Variants in RBM18 observed in about 807,000 individuals in gnomAD.
RBM18 encodes the protein probable RNA-binding protein 18.
In RBM18, 18 loss-of-function variants were observed where a neutral mutation model predicts 26.4. The observed-to-expected ratio is 0.68, with a 90% CI of 0.47 to 1.01. The LOEUF is 1.01. RBM18 is among the 50% of genes least tolerant of loss of function. The pLI, the probability that RBM18 is intolerant of heterozygous loss-of-function variation, is 0.00. For synonymous variants in RBM18, 74 were observed against 81.1 expected (o/e 0.91, Z 0.47); for missense variants, 180 against 219.2 (o/e 0.82, Z 1.13).
Position 122,241,448 on chromosome 9 carries a change from C to T in RBM18, c.*436G>A, listed in dbSNP as rs1588375632. 1 of 153,394 alleles carries T rather than the reference C, an allele frequency of 6.5e-6. No homozygotes were observed. Among genetic ancestry groups the T allele is most frequent in the South Asian group, 2.1e-4 (1 of 4,858 alleles). 9.5% of individuals were successfully genotyped at this position (153,394 alleles called of 1,614,324 possible). ...TCTGAACATGATTTAAAATCTGTCT[C>T]TCACTTCCCTCCCTGCCTTTTACTT... On this transcript the variant is annotated 3_prime_UTR_variant, in exon 6 of 6. Coordinates refer to ENST00000417201, the MANE Select transcript of RBM18 (RefSeq NM_033117.4).
At position 122,239,704 on chromosome 9, in the gene RBM18, C is replaced by G. The variant is rs1028464439; in HGVS notation, c.*2180G>C. The G allele has an allele frequency of 1.3e-5, 2 of 152,224 alleles. No homozygotes were observed. Among genetic ancestry groups the G allele is most frequent in the African/African-American group, 4.8e-5 (2 of 41,462 alleles). 9.4% of individuals were successfully genotyped at this position (152,224 alleles called of 1,614,324 possible). A position where few individuals can be genotyped will look rare whatever the true frequency, so the allele number is the denominator to read the frequency against. Reference sequence around the variant, plus strand: ...ACATTTCTTCTTTTGAAATCTCTACCACGAGAGACTAAACACAGTACGATA... The same window carrying G: ...ACATTTCTTCTTTTGAAATCTCTACGACGAGAGACTAAACACAGTACGATA... On this transcript the variant is annotated 3_prime_UTR_variant, in exon 6 of 6. Transcript: ENST00000417201.
At chr9:122,255,122 A>T (rs1831670232) in intron 2 of RBM18, among the ~76,000 whole-genome samples, 1 of 152,198 alleles carries the variant, frequency 6.6e-6, no homozygotes, top group South Asian at 2.1e-4. Flanking sequence ...ATGACATTTA[A>T]TATTATTTTT....
intron 3 of RBM18, among the ~76,000 whole-genome samples, chr9:122,249,126 A>T (rs1179205896): frequency 1.3e-5 from 2 of 152,116 alleles, no homozygotes; most frequent in Non-Finnish European, 1.5e-5. Flanking sequence ...TGTTTTTTTT[A>T]AAATAATTTC....
chr9:122,249,535 C>A (rs1469795195), intron 3 of RBM18, among the ~76,000 whole-genome samples: 1 of 150,374 alleles, frequency 6.7e-6, no homozygotes, highest in Non-Finnish European at 1.5e-5. Context: ...CATGGCGAAC[C>A]CCCGCTTCTA....
chr9:122,242,369 A>C lies in RBM18; in HGVS notation c.414-326T>G, dbSNP rs139216451. Among the ~76,000 whole-genome samples the C allele has an allele frequency of 5.9e-5, 9 of 152,344 alleles. No homozygotes were observed. In the East Asian group the frequency reaches 1.7e-3, roughly 29 times the overall value. ...AGTAGGTACTAAAAATAATTCTTTT[A>C]GAATTGAAAACAACATTATAAGATA... is the stretch of plus-strand genomic sequence containing the variant. On this transcript the variant is annotated intron_variant, in intron 5 of 5. Coordinates refer to ENST00000417201, the MANE Select transcript of RBM18 (RefSeq NM_033117.4).
At position 122,247,584 on chromosome 9, in the gene RBM18, C is replaced by A. The variant is rs1449344732; in HGVS notation, c.261G>T (p.Gln87His). ...ETKQEAEQAIQCLNGKLALSK... is the reference protein window; with the variant it reads ...ETKQEAEQAIHCLNGKLALSK... Reference sequence around the variant, plus strand: ...ACAGGGCCAACTTGCCATTGAGACACTGGATGGCTTGCTCTGCTTCCTGTC... The same window carrying A: ...ACAGGGCCAACTTGCCATTGAGACAATGGATGGCTTGCTCTGCTTCCTGTC... The change falls in exon 4 of 6, where the codon CAG becomes CAT. Residue 87 changes from glutamine (Q) to histidine (H), a missense_variant. Gln to His is a conservative substitution (Grantham distance 24). Transcript: ENST00000417201. The A allele has an allele frequency of 1.9e-6, 3 of 1,613,934 alleles. No homozygotes were observed. Among genetic ancestry groups the A allele is most frequent in the Non-Finnish European group, 2.5e-6 (3 of 1,179,994 alleles).
At chr9:122,246,715 A>G (rs1173488330) in intron 4 of RBM18, among the ~76,000 whole-genome samples, 1 of 152,110 alleles carries the variant, frequency 6.6e-6, no homozygotes, top group Non-Finnish European at 1.5e-5. Context: ...TTTGTTGGGG[A>G]GTGGGGTAGA....
chr9:122,257,855 G>A (rs1301059560), intron 2 of RBM18, among the ~76,000 whole-genome samples: 2 of 152,182 alleles, frequency 1.3e-5, no homozygotes, highest in African/African-American at 4.8e-5. Flanking sequence ...TGGGGAAGTG[G>A]TAGGAACTAG....
chr9:122,254,592 A>G (rs1387513708), intron 2 of RBM18, among the ~76,000 whole-genome samples: 1 of 152,232 alleles, frequency 6.6e-6, no homozygotes, highest in Non-Finnish European at 1.5e-5. Flanking sequence ...CCAGCCCCAC[A>G]CACATATCTG....
intron 2 of RBM18, among the ~76,000 whole-genome samples, chr9:122,256,305 A>T (rs1341329673): frequency 6.6e-6 from 1 of 152,156 alleles, no homozygotes; most frequent in African/African-American, 2.4e-5. Flanking sequence ...ATTAGTACTT[A>T]TAGGCCTTTA....
Position 122,249,610 on chromosome 9 carries a change from G to A in RBM18, c.241-2006C>T, listed in dbSNP as rs577600577. 3.3e-5 allele frequency among the ~76,000 whole-genome samples: 5 copies of A among 152,034 alleles called. No individual in the cohort carries two copies. In the East Asian group the frequency reaches 9.7e-4, roughly 29 times the overall value. Reference sequence around the variant, plus strand: ...TGTGGTCCCAACTACTTGGGAGGCTGAGGTGGGAGAACTGCTTGAATCCAG... The same window carrying A: ...TGTGGTCCCAACTACTTGGGAGGCTAAGGTGGGAGAACTGCTTGAATCCAG... On this transcript the variant is annotated intron_variant, in intron 3 of 5. Transcript: ENST00000417201.
chr9:122,259,732 C>T (rs1186545853), intron 2 of RBM18, among the ~76,000 whole-genome samples: 4 of 152,164 alleles, frequency 2.6e-5, no homozygotes, highest in South Asian at 2.1e-4. Flanking sequence ...CTTCACCTTT[C>T]GCCCAGGCTG....
At chr9:122,262,647 G>A (rs138159131) in intron 1 of RBM18, among the ~76,000 whole-genome samples, 1,982 of 152,188 alleles carry the variant, frequency 0.013, 145 homozygotes, top group Admixed American at 0.12. Flanking sequence ...GCGGTGGCAC[G>A]ATCTCGGCTC....
At chr9:122,245,223 A>C (rs752394964) in intron 5 of RBM18, 33 bp downstream of exon 5, 27 of 1,267,548 alleles carry the variant, frequency 2.1e-5, no homozygotes, top group Non-Finnish European at 3.0e-5. Context: ...AAGCTCCTGA[A>C]TTACTGTGTC....
At position 122,245,240 on chromosome 9, in the gene RBM18, T is replaced by G; in HGVS notation, c.413+16A>C. 4.7e-6 allele frequency: 7 copies of G among 1,473,778 alleles called. No individual in the cohort carries two copies. Among genetic ancestry groups the G allele is most frequent in the Non-Finnish European group, 5.7e-6 (6 of 1,055,860 alleles). The allele number at this position is 1,473,778 out of a possible 1,614,324, so 91.3% of individuals were successfully genotyped here. ...GCTCCTGAATTACTGTGTCTTTCTA[T>G]AGTACATCATCTTACCTTAGGTTAG... On this transcript the variant is annotated intron_variant, in intron 5 of 5. Transcript: ENST00000417201.
At chr9:122,264,338 C>G (rs910574347) in intron 1 of RBM18, among the ~76,000 whole-genome samples, 7 of 152,232 alleles carry the variant, frequency 4.6e-5, no homozygotes, top group African/African-American at 1.7e-4. Flanking sequence ...ACGGGACTAT[C>G]AAAATGCTTT....
rs545123830 is a variant in RBM18, at chr9:122,242,880, G to A, written c.414-837C>T. ...TCTCGCTGTGTCGTCAGGCTGGAGT[G>A]CAGTGGTGTGATTTCGGCTCACTGC... On this transcript the variant is annotated intron_variant, in intron 5 of 5. Coordinates refer to ENST00000417201, the MANE Select transcript of RBM18 (RefSeq NM_033117.4). 3.3e-5 allele frequency among the ~76,000 whole-genome samples: 5 copies of A among 152,136 alleles called. No homozygotes were observed. In the South Asian group the frequency reaches 1.0e-3, roughly 32 times the overall value.
chr9:122,242,882 A>T (rs1047240774), intron 5 of RBM18, among the ~76,000 whole-genome samples: 13 of 152,008 alleles, frequency 8.6e-5, no homozygotes, highest in Non-Finnish European at 1.8e-4. Flanking sequence ...GCTGGAGTGC[A>T]GTGGTGTGAT....
rs769174279 is a variant in RBM18, at chr9:122,245,243, T to C, written c.413+13A>G. 3 of 1,496,566 alleles carry C rather than the reference T, an allele frequency of 2.0e-6. No individual in the cohort carries two copies. Among genetic ancestry groups the C allele is most frequent in the Non-Finnish European group, 2.8e-6 (3 of 1,075,150 alleles). The allele number at this position is 1,496,566 out of a possible 1,614,324, so 92.7% of individuals were successfully genotyped here. A position where few individuals can be genotyped will look rare whatever the true frequency, so the allele number is the denominator to read the frequency against. The stretch of plus-strand genomic sequence containing the variant: ...CCTGAATTACTGTGTCTTTCTATAG[T>C]ACATCATCTTACCTTAGGTTAGACT... On this transcript the variant is annotated intron_variant, in intron 5 of 5. Transcript: ENST00000417201.
Sources: allele counts gnomAD v4.1 joint callset (sites outside exome capture counted in the v4.1 genomes callset), GRCh38; gene constraint gnomAD v4.1.1; transcripts MANE v1.5; gene names NCBI Gene and HGNC (gene_info 2026-07-23, HGNC 2026-07-21).